Variants in FHIT observed in about 807,000 individuals in gnomAD.
FHIT encodes the protein fragile histidine triad diadenosine triphosphatase.
In FHIT, 19 loss-of-function variants were observed where a neutral mutation model predicts 17.9. The observed-to-expected ratio is 1.06, with a 90% CI of 0.74 to 1.56. The LOEUF (loss-of-function observed/expected upper bound fraction) is 1.56. Among genes scored for constraint, FHIT ranks in the 40% most tolerant of loss-of-function variants. The pLI, the probability that FHIT is intolerant of heterozygous loss-of-function variation, is 0.00. For synonymous variants in FHIT, 81 were observed against 69.7 expected (o/e 1.16, Z -0.81); for missense variants, 248 against 189.2 (o/e 1.31, Z -1.82).
intron 3 of FHIT, among the ~76,000 whole-genome samples, chr3:60,928,842 G>C (rs1553770819): frequency 6.6e-6 from 1 of 152,050 alleles, no homozygotes; most frequent in Non-Finnish European, 1.5e-5. Context: ...AGAAAAAGAG[G>C]GAATCCTCCC....
chr3:60,629,845 A>T (rs2039392953), intron 4 of FHIT, among the ~76,000 whole-genome samples: 1 of 152,198 alleles, frequency 6.6e-6, no homozygotes, highest in Non-Finnish European at 1.5e-5. Context: ...TAAAGATGAC[A>T]ATCCTAGAAT....
At chr3:60,630,871 G>C (rs2039420061) in intron 4 of FHIT, among the ~76,000 whole-genome samples, 1 of 147,982 alleles carries the variant, frequency 6.8e-6, no homozygotes, top group African/African-American at 2.5e-5. Context: ...TCCCTGTTAG[G>C]ATTCTTTAAC....
rs117320216 is a variant in FHIT at position 59,952,365 on chromosome 3, T to C, written c.280-29951A>G. 9.7e-4 allele frequency among the ~76,000 whole-genome samples: 147 copies of C among 152,282 alleles called. 1 individual carries two copies. The East Asian group carries it at 9.7e-3, about 10-fold the overall frequency. On this transcript the variant is annotated intron_variant, in intron 7 of 9. Coordinates refer to ENST00000492590, the MANE Select transcript of FHIT (RefSeq NM_002012.4). ...AGCCAGTATCCCAGACACAGTGGGT[T>C]GGAGACCCTCGGGACATGCAGACAT...
intron 4 of FHIT, among the ~76,000 whole-genome samples, chr3:60,818,971 ATCTG>A (rs1390793680): frequency 1.3e-5 from 2 of 151,506 alleles, no homozygotes; most frequent in Non-Finnish European, 2.9e-5. Flanking sequence ...CCCCTCCAGA[ATCTG>A]TCTGCTTATT....
At chr3:61,229,384 T>C (rs2040045279) in intron 1 of FHIT, among the ~76,000 whole-genome samples, 1 of 152,190 alleles carries the variant, frequency 6.6e-6, no homozygotes, top group African/African-American at 2.4e-5. Context: ...TAGAGCCTGT[T>C]GAGGGAGCAT....
At chr3:60,922,176 T>C (rs1316669640) in intron 3 of FHIT, among the ~76,000 whole-genome samples, 1 of 152,200 alleles carries the variant, frequency 6.6e-6, no homozygotes, top group African/African-American at 2.4e-5. Context: ...GGACTGCCTA[T>C]AGAATTTTTG....
intron 3 of FHIT, among the ~76,000 whole-genome samples, chr3:60,916,198 A>G (rs2107292982): frequency 6.6e-6 from 1 of 152,256 alleles, no homozygotes; most frequent in Admixed American, 6.5e-5. Context: ...ATTTGTTGTT[A>G]AATGCAATGC....
intron 8 of FHIT, among the ~76,000 whole-genome samples, chr3:59,880,559 C>T (rs1436683150): frequency 6.6e-6 from 1 of 152,180 alleles, no homozygotes; most frequent in Non-Finnish European, 1.5e-5. Flanking sequence ...CAACTAAGTA[C>T]CTGTGTCCCA....
intron 8 of FHIT, among the ~76,000 whole-genome samples, chr3:59,769,221 T>C (rs1044048263): frequency 6.6e-6 from 1 of 152,206 alleles, no homozygotes; most frequent in Admixed American, 6.5e-5. Flanking sequence ...TAATCATCTT[T>C]TGAGGCGGAA....
intron 4 of FHIT, among the ~76,000 whole-genome samples, chr3:60,558,996 G>T (rs980466729): frequency 6.6e-6 from 1 of 152,100 alleles, no homozygotes; most frequent in African/African-American, 2.4e-5. Flanking sequence ...TTCTAGCATT[G>T]AAATAACATA....
chr3:61,069,757 C>G (rs111992661), intron 2 of FHIT, among the ~76,000 whole-genome samples: 1,594 of 152,232 alleles, frequency 0.01, 27 homozygotes, highest in African/African-American at 0.035. Context: ...AGTATATGTT[C>G]AGGAAGAACT....
At chr3:59,813,755 C>T (rs1394815414) in intron 8 of FHIT, among the ~76,000 whole-genome samples, 1 of 152,142 alleles carries the variant, frequency 6.6e-6, no homozygotes, top group African/African-American at 2.4e-5. Flanking sequence ...GTATGCCTTG[C>T]ACACAGTTGT....
At chr3:59,756,342 C>A (rs1701217909) in intron 8 of FHIT, among the ~76,000 whole-genome samples, 1 of 152,150 alleles carries the variant, frequency 6.6e-6, no homozygotes, top group Admixed American at 6.5e-5. Context: ...CCTCACTAAT[C>A]CCTAATCCTC....
chr3:60,585,803 TCTGTGAAACAC>T, intron 4 of FHIT, among the ~76,000 whole-genome samples: 1 of 152,150 alleles, frequency 6.6e-6, no homozygotes, highest in Admixed American at 6.6e-5. Flanking sequence ...CAAAGTGGGT[TCTGTGAAACAC>T]TATTATAGGC....
intron 2 of FHIT, among the ~76,000 whole-genome samples, chr3:61,125,107 T>C (rs945137463): frequency 2.0e-5 from 3 of 152,174 alleles, no homozygotes; most frequent in African/African-American, 7.2e-5. Flanking sequence ...GGTTTTTCCC[T>C]TAGAATCATC....
At chr3:60,104,541 G>A (rs1704328189) in intron 5 of FHIT, among the ~76,000 whole-genome samples, 1 of 151,390 alleles carries the variant, frequency 6.6e-6, no homozygotes, top group South Asian at 2.1e-4. Context: ...AAGAGGGGGA[G>A]AGGTTTTTAT....
At chr3:59,976,570 G>A (rs1037682884) in intron 7 of FHIT, among the ~76,000 whole-genome samples, 4 of 151,884 alleles carry the variant, frequency 2.6e-5, no homozygotes, top group African/African-American at 7.3e-5. Flanking sequence ...AAGAAAAAGG[G>A]GTGAAATTCT....
chr3:60,149,656 C>T (rs1160025420), intron 5 of FHIT, among the ~76,000 whole-genome samples: 1 of 152,020 alleles, frequency 6.6e-6, no homozygotes, highest in Admixed American at 6.5e-5. Flanking sequence ...ACAACCCTGA[C>T]ATCATTTGGG....
At chr3:59,922,053 G>A (rs187154752) in intron 8 of FHIT, among the ~76,000 whole-genome samples, 2 of 152,164 alleles carry the variant, frequency 1.3e-5, no homozygotes, top group East Asian at 3.9e-4. Flanking sequence ...GGAGATTCTG[G>A]GCCATATCTC....
Sources: gnomAD v4.1 joint callset for allele counts (sites outside exome capture counted in the v4.1 genomes callset) on GRCh38, gnomAD v4.1.1 for gene constraint, MANE v1.5 for transcripts, NCBI Gene and HGNC (gene_info 2026-07-23, HGNC 2026-07-21) for gene names.